Variants in SLC16A2 observed in about 807,000 individuals in gnomAD.
SLC16A2 encodes the protein monocarboxylate transporter 8.
In SLC16A2, 3 loss-of-function variants were observed where a neutral mutation model predicts 27.2. That is an observed-to-expected ratio of 0.11 (90% CI 0.05 to 0.28). SLC16A2 has a LOEUF of 0.28. SLC16A2 is among the 10% of genes least tolerant of loss of function. The pLI is 1.00. For missense variants in SLC16A2, 295 were observed against 458.5 expected (o/e 0.64, Z 3.26); for synonymous variants, 202 against 187.8 (o/e 1.08, Z -0.62).
intron 1 of SLC16A2, among the ~76,000 whole-genome samples, chrX:74,469,556 G>A (rs1318296109): frequency 5.4e-5 from 6 of 111,103 alleles, no homozygotes; most frequent in African/African-American, 2.0e-4. Flanking sequence ...GTTTTTATTT[G>A]CAGTTCCTTG....
intron 1 of SLC16A2, among the ~76,000 whole-genome samples, chrX:74,424,021 A>G (rs1039368238): frequency 2.5e-4 from 25 of 99,800 alleles, no homozygotes; most frequent in African/African-American, 9.5e-4. Flanking sequence ...ACTTCAAAGT[A>G]GGTGATCATA....
At chrX:74,452,922 C>T (rs1464409150) in intron 1 of SLC16A2, among the ~76,000 whole-genome samples, 3 of 111,409 alleles carry the variant, frequency 2.7e-5, no homozygotes, top group Non-Finnish European at 5.6e-5. Flanking sequence ...TCAAGATTTC[C>T]AATAAGGTAG....
At position 74,451,744 on chromosome X, in the gene SLC16A2, T is replaced by C. The variant is rs190831644; in HGVS notation, c.430+29677T>C. Among the ~76,000 whole-genome samples the C allele has an allele frequency of 1.2e-4, 14 of 113,090 alleles. No homozygotes were observed. In the East Asian group the frequency reaches 3.4e-3, roughly 27 times the overall value. ...GCTTATAGTGATGTGCCTATTTGCA[T>C]TGAAATGTCATCCCTTGGGGGGTCC... On this transcript the variant is annotated intron_variant, in intron 1 of 5. Transcript: ENST00000587091.
chrX:74,443,179 T>C (rs1451543788), intron 1 of SLC16A2, among the ~76,000 whole-genome samples: 2 of 111,470 alleles, frequency 1.8e-5, no homozygotes, highest in East Asian at 2.8e-4. Context: ...CATTAGAGTA[T>C]TGAGGAACAG....
intron 1 of SLC16A2, among the ~76,000 whole-genome samples, chrX:74,493,647 A>G (rs1390314533): frequency 8.9e-6 from 1 of 112,519 alleles, no homozygotes; most frequent in African/African-American, 3.2e-5. Flanking sequence ...CTGCTTTCCT[A>G]GAATTGTTGA....
At chrX:74,496,286 ACACACACACC>A (rs1929935588) in intron 1 of SLC16A2, among the ~76,000 whole-genome samples, 2 of 90,712 alleles carry the variant, frequency 2.2e-5, no homozygotes, top group Non-Finnish European at 5.0e-5. Flanking sequence ...GCACACACAC[ACACACACACC>A]CCACAGGAGA....
At chrX:74,437,120 G>A (rs1928643333) in intron 1 of SLC16A2, among the ~76,000 whole-genome samples, 2 of 112,184 alleles carry the variant, frequency 1.8e-5, no homozygotes, top group Admixed American at 9.4e-5. Flanking sequence ...CCGTGTCCCA[G>A]CTTCTGAGAG....
At chrX:74,518,485 G>A (rs189391232) in intron 1 of SLC16A2, among the ~76,000 whole-genome samples, 1 of 109,773 alleles carries the variant, frequency 9.1e-6, no homozygotes, top group South Asian at 4.0e-4. Flanking sequence ...CAGCTACCCG[G>A]GAGGCTGAGG....
At chrX:74,444,367 C>G (rs1053054266) in intron 1 of SLC16A2, among the ~76,000 whole-genome samples, 8 of 109,196 alleles carry the variant, frequency 7.3e-5, no homozygotes, top group African/African-American at 2.7e-4. Flanking sequence ...GGTTCTACCA[C>G]TATCTGCAAA....
chrX:74,492,893 G>A (rs1929857880), intron 1 of SLC16A2, among the ~76,000 whole-genome samples: 1 of 111,854 alleles, frequency 8.9e-6, no homozygotes, highest in African/African-American at 3.3e-5. Flanking sequence ...CCTGCTCCTA[G>A]CAACCAGGAG....
chrX:74,521,180 T>C (rs766291303), intron 2 of SLC16A2, 46 bp downstream of exon 2: 6 of 1,194,283 alleles, frequency 5.0e-6, no homozygotes, highest in South Asian at 1.8e-5. Context: ...TGAGGGTTGG[T>C]TTTTTTCTGG....
intron 1 of SLC16A2, among the ~76,000 whole-genome samples, chrX:74,478,225 C>A (rs1208405892): frequency 1.8e-5 from 2 of 111,631 alleles, no homozygotes; most frequent in African/African-American, 6.5e-5. Flanking sequence ...TGAATTGATG[C>A]CTTTACCATT....
chrX:74,450,568 C>T (rs55913939), intron 1 of SLC16A2, among the ~76,000 whole-genome samples: 2,688 of 111,568 alleles, frequency 0.024, 81 homozygotes, highest in African/African-American at 0.084. Flanking sequence ...AAACTTCCAT[C>T]TAGTCATCAG....
At chrX:74,463,015 C>T (rs504585) in intron 1 of SLC16A2, among the ~76,000 whole-genome samples, 1,891 of 111,428 alleles carry the variant, frequency 0.017, 40 homozygotes, top group African/African-American at 0.059. Context: ...AATGAGGGAC[C>T]TGGACTCTAT....
intron 1 of SLC16A2, among the ~76,000 whole-genome samples, chrX:74,516,864 A>T (rs1415670312): frequency 8.9e-6 from 1 of 112,195 alleles, no homozygotes; most frequent in Admixed American, 9.4e-5. Context: ...ACCCAGCTAT[A>T]TGCTGTCTAT....
chrX:74,451,825 C>T (rs183335291), intron 1 of SLC16A2, among the ~76,000 whole-genome samples: 2 of 113,091 alleles, frequency 1.8e-5, no homozygotes, highest in East Asian at 5.6e-4. Context: ...AAATGTGCCA[C>T]ACTGATCAGA....
At chrX:74,474,488 T>G (rs1929424405) in intron 1 of SLC16A2, among the ~76,000 whole-genome samples, 1 of 110,416 alleles carries the variant, frequency 9.1e-6, no homozygotes, top group Non-Finnish European at 1.9e-5. Context: ...GTTTTTTTTT[T>G]TTTATTATAC....
intron 1 of SLC16A2, among the ~76,000 whole-genome samples, chrX:74,427,108 A>G (rs1052540439): frequency 8.9e-6 from 1 of 112,133 alleles, no homozygotes; most frequent in South Asian, 3.7e-4. Context: ...CAAAAGTATT[A>G]AATTATAAAC....
intron 1 of SLC16A2, among the ~76,000 whole-genome samples, chrX:74,479,506 G>T (rs1024820016): frequency 1.8e-5 from 2 of 112,523 alleles, no homozygotes; most frequent in African/African-American, 6.5e-5. Flanking sequence ...TCTCCCTCCA[G>T]CTTTGTTCCA....
Sources: gnomAD v4.1 joint callset for allele counts (sites outside exome capture counted in the v4.1 genomes callset) on GRCh38, gnomAD v4.1.1 for gene constraint, MANE v1.5 for transcripts, NCBI Gene and HGNC (gene_info 2026-07-23, HGNC 2026-07-21) for gene names.